The following PLXDC2 variants were observed in gnomAD, a reference collection of about 807,000 sequenced individuals.
The protein encoded by PLXDC2 is plexin domain containing 2.
Under a neutral mutation model 68.9 loss-of-function variants are expected in PLXDC2, and 40 were observed. That is an observed-to-expected ratio of 0.58 (90% confidence interval 0.45 to 0.76). The LOEUF is 0.76. PLXDC2 is among the 30% of genes least tolerant of loss of function. PLXDC2 has a pLI of 0.00. For synonymous variants in PLXDC2, 243 were observed against 234.2 expected, an observed-to-expected ratio of 1.04 and a Z score of -0.34; for missense variants, 644 against 661.9, an observed-to-expected ratio of 0.97 and a Z score of 0.30.
chr10:19,888,997 A>G (rs1180594921), intron 1 of PLXDC2, among the ~76,000 whole-genome samples: 2 of 152,068 alleles, frequency 1.3e-5, no homozygotes, highest in East Asian at 1.9e-4. Context: ...TTTTTTTTCA[A>G]GTTTAGCCCA....
rs746538738 is a variant in PLXDC2, at chr10:19,981,210, CTG to C, written c.113-20561_113-20560del. On this transcript the variant is annotated intron_variant, in intron 1 of 13. Transcript: ENST00000377252. ...GAATTTCAATAGTTGCTCTCTGTTTCTGTGTTTTAAATTTACTTTGAAATTCT... is the reference window on the plus strand; with the variant it reads ...GAATTTCAATAGTTGCTCTCTGTTTCTGTTTTAAATTTACTTTGAAATTCT... Among the ~76,000 whole-genome samples, 341 of 152,216 alleles carry C rather than the reference CTG, an allele frequency of 2.2e-3. 2 individuals are homozygous for C. Among genetic ancestry groups the C allele is most frequent in the Non-Finnish European group, 5.0e-4 (34 of 68,002 alleles).
rs71388889 is a variant in PLXDC2, at chr10:20,020,178, A to ATTTTTTTTTTTTTTTTTTT, written c.324+18196_324+18214dup. ...AAACACATGCCACCACACCCAGCAA[A>ATTTTTTTTTTTTTTTTTTT]TTTTTTTTTTTTTTTTTTTTTTGTA... is the stretch of plus-strand genomic sequence containing the variant. On this transcript the variant is annotated intron_variant, in intron 2 of 13. Transcript: ENST00000377252. 3.8e-4 allele frequency among the ~76,000 whole-genome samples: 41 copies of ATTTTTTTTTTTTTTTTTTT among 107,318 alleles called. 2 individuals are homozygous for ATTTTTTTTTTTTTTTTTTT. Among genetic ancestry groups the ATTTTTTTTTTTTTTTTTTT allele is most frequent in the African/African-American group, 1.7e-3 (41 of 24,170 alleles). 70.4% of individuals were successfully genotyped at this position (107,318 alleles called of 152,430 possible).
chr10:20,059,485 T>G (rs2131697331), intron 3 of PLXDC2, among the ~76,000 whole-genome samples: 1 of 152,308 alleles, frequency 6.6e-6, no homozygotes, highest in South Asian at 2.1e-4. Context: ...TGTTTTCCAG[T>G]TTATGAATAT....
intron 2 of PLXDC2, among the ~76,000 whole-genome samples, chr10:20,003,855 C>T (rs1027855367): frequency 2.6e-5 from 4 of 152,150 alleles, no homozygotes; most frequent in African/African-American, 9.7e-5. Context: ...CTGACCTTTC[C>T]GGGCTGACTA....
At chr10:20,100,693 AAG>A (rs1203187015) in intron 4 of PLXDC2, among the ~76,000 whole-genome samples, 1 of 152,164 alleles carries the variant, frequency 6.6e-6, no homozygotes, top group South Asian at 2.1e-4. Flanking sequence ...AAGGAAGGGG[AAG>A]AGAGTCTTTT....
Position 20,287,111 on chromosome 10 carries a change from G to C in PLXDC2, c.*7292G>C, listed in dbSNP as rs16920228. ...AGGTCATTCAGACATCCAGACACTG[G>C]GGCACATATTCTGCAAGCAATGCTG... is the stretch of plus-strand genomic sequence containing the variant. On this transcript the variant is annotated 3_prime_UTR_variant, in exon 14 of 14. Coordinates refer to ENST00000377252, the MANE Select transcript of PLXDC2 (RefSeq NM_032812.9). 0.13 allele frequency: 19,681 copies of C among 152,148 alleles called. 1,736 individuals are homozygous for C. The highest frequency in any genetic ancestry group is 0.44 in the East Asian group (2,245 of 5,156). 9.4% of individuals were successfully genotyped at this position (152,148 alleles called of 1,614,324 possible). A position where few individuals can be genotyped will look rare whatever the true frequency, so the allele number is the denominator to read the frequency against.
chr10:20,036,810 G>T (rs1054070316), intron 2 of PLXDC2, among the ~76,000 whole-genome samples: 1 of 152,164 alleles, frequency 6.6e-6, no homozygotes, highest in Non-Finnish European at 1.5e-5. Flanking sequence ...GGGTCTCCAA[G>T]ATTCTTATAT....
intron 1 of PLXDC2, among the ~76,000 whole-genome samples, chr10:19,897,244 T>A (rs896165777): frequency 2.6e-5 from 4 of 151,900 alleles, no homozygotes; most frequent in African/African-American, 9.7e-5. Flanking sequence ...TTTTTGTTTT[T>A]TTTTGTTTTC....
intron 1 of PLXDC2, among the ~76,000 whole-genome samples, chr10:19,903,688 T>C (rs1838196331): frequency 6.8e-6 from 1 of 147,010 alleles, no homozygotes; most frequent in Non-Finnish European, 1.5e-5. Context: ...TTAGTTCTGC[T>C]CTCATCTTCA....
rs546357557 is a variant in PLXDC2 at position 20,216,991 on chromosome 10, C to T, written c.1123-435C>T. On this transcript the variant is annotated intron_variant, in intron 10 of 13. Transcript: ENST00000377252. ...AGTATGGGGAAGTTAGCAAATATTT[C>T]GGATTTAGCATTGTCAGTTTGATAC... Among the ~76,000 whole-genome samples the T allele has an allele frequency of 3.9e-5, 6 of 152,278 alleles. No homozygotes were observed. In the East Asian group the frequency reaches 7.7e-4, roughly 20 times the overall value.
At chr10:20,040,757 T>G in intron 2 of PLXDC2, among the ~76,000 whole-genome samples, 1 of 148,146 alleles carries the variant, frequency 6.8e-6, no homozygotes, top group East Asian at 1.9e-4. Flanking sequence ...CTTTCCAAAT[T>G]TATGAACCTC....
At chr10:19,999,469 T>A (rs1834894713) in intron 1 of PLXDC2, among the ~76,000 whole-genome samples, 1 of 150,014 alleles carries the variant, frequency 6.7e-6, no homozygotes, top group South Asian at 2.1e-4. Context: ...GTATGTTTTT[T>A]AAATACCATT....
At chr10:19,884,454 T>G (rs1837801320) in intron 1 of PLXDC2, among the ~76,000 whole-genome samples, 1 of 152,074 alleles carries the variant, frequency 6.6e-6, no homozygotes, top group African/African-American at 2.4e-5. Context: ...CTGCACCCAC[T>G]AACTCGTCAC....
chr10:20,147,440 A>G (rs572640842), intron 5 of PLXDC2, among the ~76,000 whole-genome samples: 2 of 152,292 alleles, frequency 1.3e-5, no homozygotes, highest in East Asian at 3.9e-4. Flanking sequence ...AGTTCATTCA[A>G]TCCACTTGGG....
At chr10:20,044,225 CTT>C (rs1835747278) in intron 2 of PLXDC2, among the ~76,000 whole-genome samples, 3 of 47,306 alleles carry the variant, frequency 6.3e-5, no homozygotes, top group South Asian at 1.4e-3. Flanking sequence ...TTCTTTCTTT[CTT>C]TCTTTCTTTC....
chr10:20,217,956 C>T (rs540832797), intron 11 of PLXDC2, among the ~76,000 whole-genome samples: 131 of 152,030 alleles, frequency 8.6e-4, no homozygotes, highest in South Asian at 2.5e-3. Flanking sequence ...ATAAAATGTC[C>T]GTTGATTCTG....
At chr10:20,126,343 A>T (rs1833778956) in intron 4 of PLXDC2, among the ~76,000 whole-genome samples, 1 of 140,680 alleles carries the variant, frequency 7.1e-6, no homozygotes, top group Admixed American at 7.1e-5. Flanking sequence ...GTTATATAAT[A>T]CATATATACA....
intron 2 of PLXDC2, among the ~76,000 whole-genome samples, chr10:20,003,908 A>G (rs1472340647): frequency 6.6e-6 from 1 of 152,012 alleles, no homozygotes; most frequent in African/African-American, 2.4e-5. Context: ...GCTGCTGGAG[A>G]GGTTGCATCA....
intron 6 of PLXDC2, among the ~76,000 whole-genome samples, chr10:20,162,026 AAG>A (rs1295417822): frequency 1.4e-5 from 1 of 69,970 alleles, no homozygotes; most frequent in African/African-American, 6.2e-5. Context: ...CTGTCAGAAA[AAG>A]AAAGAAAGAA....
Sources: allele counts gnomAD v4.1 joint callset (sites outside exome capture counted in the v4.1 genomes callset), GRCh38; gene constraint gnomAD v4.1.1; transcripts MANE v1.5; gene names NCBI Gene and HGNC (gene_info 2026-07-23, HGNC 2026-07-21).